SYNE2: variants seen among roughly 807,000 people sequenced by gnomAD.
SYNE2 encodes nesprin-2.
SYNE2 carries 431 observed loss-of-function variants against 856.3 expected under a neutral mutation model. The ratio of observed to expected loss-of-function variants is 0.50; its 90% CI spans 0.47 to 0.55. The LOEUF (loss-of-function observed/expected upper bound fraction) is 0.55. SYNE2 is among the 20% of genes least tolerant of loss of function. The pLI, the probability that SYNE2 is intolerant of heterozygous loss-of-function variation, is 0.00. For synonymous variants in SYNE2, 2,923 were observed against 2,872.3 expected (o/e 1.02, Z -0.56); for missense variants, 8,129 against 8,023.2 (o/e 1.01, Z -0.50).
chr14:64,051,888 C>G lies in SYNE2; in HGVS notation c.7975C>G (p.Arg2659Gly). 6.2e-7 allele frequency: 1 copy of G among 1,613,934 alleles called. No homozygotes were observed. Residue 2659 changes from arginine to glycine, a missense_variant, in exon 48 of 116, where the codon CGG (arginine) becomes GGG (glycine). Physicochemically the swap from Arg to Gly is moderately radical, Grantham distance 125 (BLOSUM62 -2). Coordinates refer to ENST00000555002, the MANE Select transcript of SYNE2 (RefSeq NM_182914.3). The stretch of plus-strand genomic sequence containing the variant: ...GTTAAGGCTGAAGTCTCCAGAAGAA[C>G]GGGCAGGGAACCAAAGCATGATTGC... ...LQLRLKSPEE[R>G]AGNQSMIALT...
chr14:64,053,842 G>A (rs1484569573), intron 48 of SYNE2, among the ~76,000 whole-genome samples, 185 bp downstream of exon 48: 1 of 152,154 alleles, frequency 6.6e-6, no homozygotes, highest in Non-Finnish European at 1.5e-5. Flanking sequence ...GGTGGCACAT[G>A]GTTGTAATCC....
At chr14:64,042,131 TTTCA>T (rs1189744541) in intron 45 of SYNE2, among the ~76,000 whole-genome samples, 2 of 152,192 alleles carry the variant, frequency 1.3e-5, no homozygotes, top group African/African-American at 2.4e-5. Context: ...AAAAATTCAT[TTTCA>T]TTCATTCAGT....
At chr14:63,839,044 T>C (rs1053329493) in intron 1 of SYNE2, among the ~76,000 whole-genome samples, 27 of 152,186 alleles carry the variant, frequency 1.8e-4, no homozygotes, top group Admixed American at 6.6e-5. Context: ...TTCTTCTTTT[T>C]TTTTTAGACG....
rs574265110 is a variant in SYNE2 at position 63,925,953 on chromosome 14, A to G, written c.80-14661A>G. On this transcript the variant is annotated intron_variant, in intron 2 of 115. Transcript: ENST00000555002. Reference sequence around the variant, plus strand: ...ACTGCATCCTCTGCCTCCTGGGCTCAAGCGATCCTCCCACCTCAGCCCCCC... The same window carrying G: ...ACTGCATCCTCTGCCTCCTGGGCTCGAGCGATCCTCCCACCTCAGCCCCCC... 5.3e-5 allele frequency among the ~76,000 whole-genome samples: 8 copies of G among 152,052 alleles called. 1 individual carries two copies. The South Asian group carries it at 1.7e-3, about 32-fold the overall frequency.
At chr14:63,977,836 G>A (rs1447994278) in intron 12 of SYNE2, 69 bp from the exon 13 acceptor site, 1 of 1,085,004 alleles carries the variant, frequency 9.2e-7, no homozygotes. Context: ...ATGCAAGTGA[G>A]ATTGACAAAC....
At position 64,069,480 on chromosome 14, in the gene SYNE2, A is replaced by G. The variant is rs143650784; in HGVS notation, c.10432-1165A>G. On this transcript the variant is annotated intron_variant, in intron 51 of 115. Transcript: ENST00000555002. Reference sequence around the variant, plus strand: ...TAGTTATTGGGTACCCAACTGGGTCATACAGCCCAAACAGCAGGGCAGCTT... The same window carrying G: ...TAGTTATTGGGTACCCAACTGGGTCGTACAGCCCAAACAGCAGGGCAGCTT... Among the ~76,000 whole-genome samples, 835 of 152,300 alleles carry G rather than the reference A, an allele frequency of 5.5e-3. 8 individuals are homozygous for G. The highest frequency in any genetic ancestry group is 0.019 in the African/African-American group (796 of 41,572).
chr14:63,855,878 A>G (rs1891582952), intron 1 of SYNE2, among the ~76,000 whole-genome samples: 1 of 152,186 alleles, frequency 6.6e-6, no homozygotes, highest in African/African-American at 2.4e-5. Context: ...TTGAGTGGAA[A>G]GAAGGGTATA....
chr14:64,049,544 G>A, intron 46 of SYNE2, 67 bp from the exon 47 acceptor site: 2 of 1,542,120 alleles, frequency 1.3e-6, no homozygotes, highest in South Asian at 2.3e-5. Flanking sequence ...AAAGAGGAAA[G>A]AAGATGAATG....
intron 98 of SYNE2, among the ~76,000 whole-genome samples, chr14:64,189,359 G>C (rs946850953): frequency 5.9e-5 from 9 of 151,784 alleles, no homozygotes; most frequent in African/African-American, 1.9e-4. Flanking sequence ...AGCTCCCCTT[G>C]TTAAAGGGGA....
At chr14:64,043,465 C>G (rs2097163586) in intron 45 of SYNE2, among the ~76,000 whole-genome samples, 1 of 151,480 alleles carries the variant, frequency 6.6e-6, no homozygotes, top group Non-Finnish European at 1.5e-5. Context: ...GTCTTCACAG[C>G]AGCCCCTCCC....
At chr14:64,118,122 G>A (rs2097865489) in intron 66 of SYNE2, among the ~76,000 whole-genome samples, 1 of 152,154 alleles carries the variant, frequency 6.6e-6, no homozygotes, top group Admixed American at 6.5e-5. Context: ...TCGTCCTTAA[G>A]GAAAATTTTT....
chr14:63,948,770 GT>G (rs2096086299), intron 6 of SYNE2, among the ~76,000 whole-genome samples: 13 of 79,704 alleles, frequency 1.6e-4, no homozygotes, highest in African/African-American at 6.5e-4. Context: ...GTATATATAT[GT>G]ATGTGTGTGT....
At chr14:64,128,346 T>C in intron 73 of SYNE2, 106 bp from the exon 74 acceptor site, 1 of 683,076 alleles carries the variant, frequency 1.5e-6, no homozygotes, top group South Asian at 1.6e-5. Flanking sequence ...TTTTTGTATT[T>C]GTTTGAAATT....
chr14:63,889,150 G>GT lies in SYNE2; in HGVS notation c.-51-19937dup, dbSNP rs547911887. On this transcript the variant is annotated intron_variant, in intron 1 of 115. Transcript: ENST00000555002. ...TTTGGATGGTGAAGCTATGGGTATA[G>GT]TTTTTTTTTTTGTAGTTTTCTGGAA... 5.1e-3 allele frequency among the ~76,000 whole-genome samples: 723 copies of GT among 143,076 alleles called. 4 individuals carry two copies. Among genetic ancestry groups the GT allele is most frequent in the African/African-American group, 0.011 (446 of 39,470 alleles). 93.9% of individuals were successfully genotyped at this position (143,076 alleles called of 152,430 possible). A position where few individuals can be genotyped will look rare whatever the true frequency, so the allele number is the denominator to read the frequency against.
At chr14:63,971,482 T>C (rs1214060182) in intron 11 of SYNE2, among the ~76,000 whole-genome samples, 2 of 152,080 alleles carry the variant, frequency 1.3e-5, no homozygotes, top group Non-Finnish European at 2.9e-5. Context: ...TGCAAGCAAA[T>C]TGATCCATCT....
In SYNE2 at chr14:63,929,048, G is replaced by A. The variant is rs539831872; in HGVS notation, c.80-11566G>A. Among the ~76,000 whole-genome samples the A allele has an allele frequency of 9.2e-5, 14 of 152,184 alleles. 1 individual carries two copies. In the South Asian group the frequency reaches 1.2e-3, roughly 14 times the overall value. ...GTTCTAATATTTGATCTTGGCTCTG[G>A]TTCCTGACACAGAGCTCCGAAAGCC... On this transcript the variant is annotated intron_variant, in intron 2 of 115. Coordinates refer to ENST00000555002, the MANE Select transcript of SYNE2 (RefSeq NM_182914.3).
intron 1 of SYNE2, among the ~76,000 whole-genome samples, chr14:63,834,040 T>C (rs1283245694): frequency 6.6e-6 from 1 of 152,218 alleles, no homozygotes; most frequent in Non-Finnish European, 1.5e-5. Flanking sequence ...CAGAAGCTGC[T>C]CTATCTTCCA....
intron 2 of SYNE2, among the ~76,000 whole-genome samples, chr14:63,937,305 G>A (rs1031165803): frequency 4.6e-5 from 7 of 152,220 alleles, no homozygotes; most frequent in Admixed American, 4.6e-4. Context: ...CTGGCGTCAA[G>A]AGGTTTGTTT....
chr14:63,849,149 T>A (rs1595170931), upstream of SYNE2, among the ~76,000 whole-genome samples: 1 of 152,328 alleles, frequency 6.6e-6, no homozygotes, highest in East Asian at 1.9e-4. Context: ...GCTAGCTATT[T>A]TCATCCAGGT....
Sources: gnomAD v4.1 joint callset for allele counts (sites outside exome capture counted in the v4.1 genomes callset) on GRCh38, gnomAD v4.1.1 for gene constraint, MANE v1.5 for transcripts, NCBI Gene and HGNC (gene_info 2026-07-23, HGNC 2026-07-21) for gene names.